The following OR2L13 variants were observed in gnomAD, a reference collection of about 807,000 sequenced individuals.
OR2L13 encodes olfactory receptor family 2 subfamily L member 13, also known as olfactory receptor 2L13.
OR2L13 carries 14 observed loss-of-function variants against 15.3 expected under a neutral mutation model. That is an observed-to-expected ratio of 0.91 (90% CI 0.60 to 1.43). The LOEUF is 1.43. OR2L13 is among the 40% of genes most tolerant of loss of function. The pLI is 0.00. For synonymous variants in OR2L13, 152 were observed against 142.9 expected (o/e 1.06, Z -0.45); for missense variants, 367 against 387.9 (o/e 0.95, Z 0.45).
At chr1:248,063,331 A>C in the OR2L13 span, 1 of 152,270 alleles carries the variant, frequency 6.6e-6, no homozygotes, top group South Asian at 2.1e-4. Flanking sequence ...AGTATTACAT[A>C]GTGCAATGCT....
At chr1:247,985,201 A>G in the OR2L13 span, among the ~76,000 whole-genome samples, 3 of 152,084 alleles carry the variant, frequency 2.0e-5, no homozygotes, top group East Asian at 5.8e-4. Context: ...TGCTGCACCC[A>G]TCAACTCATC....
upstream of OR2L13, among the ~76,000 whole-genome samples, chr1:248,094,125 C>T (rs1260991823): frequency 1.3e-5 from 2 of 151,940 alleles, no homozygotes; most frequent in Admixed American, 1.3e-4. Flanking sequence ...ACCCCAAATA[C>T]CCTTATTTGC....
chr1:248,009,479 G>A, the OR2L13 span, among the ~76,000 whole-genome samples: 1 of 152,210 alleles, frequency 6.6e-6, no homozygotes, highest in East Asian at 1.9e-4. Context: ...CCAGGAAGAA[G>A]TCAAATCCCT....
At chr1:247,962,608 TCTAA>T in the OR2L13 span, among the ~76,000 whole-genome samples, 1 of 152,214 alleles carries the variant, frequency 6.6e-6, no homozygotes, top group Non-Finnish European at 1.5e-5. Flanking sequence ...TTTTTGAAAA[TCTAA>T]CTATCACATT....
chr1:248,028,736 C>T, the OR2L13 span, among the ~76,000 whole-genome samples: 5 of 152,250 alleles, frequency 3.3e-5, no homozygotes, highest in Non-Finnish European at 7.4e-5. Flanking sequence ...GTTGTTGACT[C>T]ATATCCCCCA....
chr1:248,099,330 G>A, intron 2 of OR2L13, 28 bp from the exon 3 acceptor site: 1 of 1,267,236 alleles, frequency 7.9e-7, no homozygotes, highest in Non-Finnish European at 1.1e-6. Flanking sequence ...TTTGTGCTTT[G>A]CTTTTGTTTC....
chr1:247,983,245 A>G, the OR2L13 span, among the ~76,000 whole-genome samples: 1 of 152,208 alleles, frequency 6.6e-6, no homozygotes, highest in Non-Finnish European at 1.5e-5. Flanking sequence ...GAATTATGGA[A>G]CAAATCCTGA....
chr1:248,093,451 C>G (rs576280871), upstream of OR2L13, among the ~76,000 whole-genome samples: 1 of 152,202 alleles, frequency 6.6e-6, no homozygotes, highest in South Asian at 2.1e-4. Flanking sequence ...GAGTTTTGCA[C>G]TGAGTTAAAT....
the OR2L13 span, chr1:248,038,296 AT>A: frequency 1.2e-6 from 2 of 1,611,996 alleles, no homozygotes; most frequent in South Asian, 1.1e-5. Context: ...ACATCAACTG[AT>A]TTCATCTTAT....
At chr1:248,069,447 C>G in the OR2L13 span, among the ~76,000 whole-genome samples, 1 of 152,114 alleles carries the variant, frequency 6.6e-6, no homozygotes, top group East Asian at 1.9e-4. Flanking sequence ...CACCACCAGG[C>G]CTGACCTAAA....
At chr1:248,002,997 GT>G in the OR2L13 span, 2 of 608,210 alleles carry the variant, frequency 3.3e-6, no homozygotes, top group African/African-American at 1.8e-5. Flanking sequence ...TCTTTGGTTG[GT>G]AGGCTATTTA....
the OR2L13 span, among the ~76,000 whole-genome samples, chr1:248,044,122 TC>T: frequency 6.6e-6 from 1 of 152,004 alleles, no homozygotes; most frequent in Non-Finnish European, 1.5e-5. Context: ...GCCCAGCAAG[TC>T]CCCGGCTCAT....
chr1:248,100,101 A>G, exon 3 of OR2L13: 2 of 1,614,040 alleles, frequency 1.2e-6, no homozygotes, highest in Non-Finnish European at 1.7e-6. Flanking sequence ...CCATTTCAAC[A>G]CATTTAACTG....
At chr1:248,090,692 G>A (rs1318286871), upstream of OR2L13, among the ~76,000 whole-genome samples, 3 of 152,148 alleles carry the variant, frequency 2.0e-5, no homozygotes, top group Non-Finnish European at 4.4e-5. Flanking sequence ...ACTATTGATG[G>A]GCATGTAGGT....
chr1:247,954,143 A>T, the OR2L13 span, among the ~76,000 whole-genome samples: 4 of 152,214 alleles, frequency 2.6e-5, no homozygotes, highest in Admixed American at 6.5e-5. Flanking sequence ...CATAGGAGAT[A>T]AAGCGGGTGA....
chr1:247,969,445 T>C, the OR2L13 span, among the ~76,000 whole-genome samples: 1 of 152,268 alleles, frequency 6.6e-6, no homozygotes, highest in South Asian at 2.1e-4. Context: ...TAACACACGT[T>C]CCCCTATGTT....
chr1:247,948,964 T>A, the OR2L13 span: 3 of 1,613,980 alleles, frequency 1.9e-6, no homozygotes, highest in Non-Finnish European at 2.5e-6. Context: ...ATTTTCCTGA[T>A]GGCTCTAATT....
the OR2L13 span, among the ~76,000 whole-genome samples, chr1:248,074,082 CAT>C: frequency 1.3e-5 from 2 of 151,974 alleles, no homozygotes; most frequent in Non-Finnish European, 2.9e-5. Flanking sequence ...TTACAGTACA[CAT>C]GTTTGACAAA....
chr1:247,938,672 T>G, the OR2L13 span, among the ~76,000 whole-genome samples: 1 of 152,026 alleles, frequency 6.6e-6, no homozygotes, highest in African/African-American at 2.4e-5. Context: ...ACATACACAC[T>G]GACACACACA....
Sources: gnomAD v4.1 joint callset for allele counts (sites outside exome capture counted in the v4.1 genomes callset) on GRCh38, gnomAD v4.1.1 for gene constraint, MANE v1.5 for transcripts, NCBI Gene and HGNC (gene_info 2026-07-23, HGNC 2026-07-21) for gene names.